Variants in ZFAND3 observed in about 807,000 individuals in gnomAD.
ZFAND3 encodes the protein zinc finger AN1-type containing 3, also known as AN1-type zinc finger protein 3.
In ZFAND3, 10 loss-of-function variants were observed where a neutral mutation model predicts 29.6. The observed-to-expected ratio is 0.34, with a 90% CI of 0.21 to 0.57. ZFAND3 has a LOEUF of 0.57. Among genes scored for constraint, ZFAND3 ranks in the 20% least tolerant of loss-of-function variants. The pLI, the probability that ZFAND3 is intolerant of heterozygous loss-of-function variation, is 0.86. For missense variants in ZFAND3, 230 were observed against 304.5 expected (o/e 0.76, Z 1.82); for synonymous variants, 128 against 112.6 (o/e 1.14, Z -0.87).
At chr6:38,002,647 A>G (rs1762970674) in intron 2 of ZFAND3, among the ~76,000 whole-genome samples, 1 of 152,164 alleles carries the variant, frequency 6.6e-6, no homozygotes, top group Non-Finnish European at 1.5e-5. Context: ...CCTGGGTGAA[A>G]GAGTGAGACC....
At chr6:38,120,049 G>C (rs1765499413) in intron 5 of ZFAND3, among the ~76,000 whole-genome samples, 1 of 152,164 alleles carries the variant, frequency 6.6e-6, no homozygotes, top group South Asian at 2.1e-4. Flanking sequence ...TTGCGAGGCT[G>C]GGATTATATC....
chr6:38,141,385 C>T lies in ZFAND3; in HGVS notation c.530-10850C>T, dbSNP rs542260695. Among the ~76,000 whole-genome samples, 8 of 152,312 alleles carry T rather than the reference C, an allele frequency of 5.3e-5. No homozygotes were observed. In the South Asian group the frequency reaches 1.4e-3, roughly 28 times the overall value. Reference sequence around the variant, plus strand: ...GCTCTGCCTCTGTTTGTGACAGAGGCTTGCAGAATACTCAGCTGTACCTGT... The same window carrying T: ...GCTCTGCCTCTGTTTGTGACAGAGGTTTGCAGAATACTCAGCTGTACCTGT... On this transcript the variant is annotated intron_variant, in intron 5 of 5. Coordinates refer to ENST00000287218, the MANE Select transcript of ZFAND3 (RefSeq NM_021943.3).
rs372984534 is a variant in ZFAND3, at chr6:37,893,824, G to T, written c.72-36135G>T. Among the ~76,000 whole-genome samples the T allele has an allele frequency of 4.1e-3, 626 of 151,802 alleles. 6 individuals carry two copies. The highest frequency in any genetic ancestry group is 0.014 in the African/African-American group (588 of 41,486). On this transcript the variant is annotated intron_variant, in intron 1 of 5. Coordinates refer to ENST00000287218, the MANE Select transcript of ZFAND3 (RefSeq NM_021943.3). ...CTGCCTTGGCTTCCCAAAGTGCTGG[G>T]ATTACAGGGGTGAGCCACCGCGCCC...
chr6:38,114,556 G>A (rs555513053), intron 4 of ZFAND3, among the ~76,000 whole-genome samples: 1 of 152,330 alleles, frequency 6.6e-6, no homozygotes, highest in East Asian at 1.9e-4. Context: ...AATTAAATGA[G>A]ATGAAAAATG....
intron 1 of ZFAND3, among the ~76,000 whole-genome samples, chr6:37,920,890 G>A (rs140284312): frequency 8.7e-4 from 133 of 152,238 alleles, no homozygotes; most frequent in African/African-American, 1.1e-3. Context: ...GTAGAGAGTG[G>A]TGATTTAGTA....
chr6:38,118,092 G>A (rs144016080), intron 5 of ZFAND3, among the ~76,000 whole-genome samples: 40 of 152,314 alleles, frequency 2.6e-4, no homozygotes, highest in African/African-American at 9.6e-4. Flanking sequence ...TTGGGAAACC[G>A]TAAAGAGGGT....
Position 38,080,596 on chromosome 6 carries a change from C to A in ZFAND3, c.296-1796C>A, listed in dbSNP as rs189760576. 1.2e-3 allele frequency among the ~76,000 whole-genome samples: 179 copies of A among 152,088 alleles called. 1 individual carries two copies. Among genetic ancestry groups the A allele is most frequent in the African/African-American group, 4.1e-3 (168 of 41,476 alleles). On this transcript the variant is annotated intron_variant, in intron 3 of 5. Coordinates refer to ENST00000287218, the MANE Select transcript of ZFAND3 (RefSeq NM_021943.3). ...TTTTTGTTTGTTTTGTTAAAGAAACCGAGGATCACTTATCCAAGATTACTC... is the reference window on the plus strand; with the variant it reads ...TTTTTGTTTGTTTTGTTAAAGAAACAGAGGATCACTTATCCAAGATTACTC...
Position 38,154,508 on chromosome 6 carries a change from TACAC to T in ZFAND3, c.*2123_*2126del, listed in dbSNP as rs1189565798. ...AACCCTTTTGTGTTCTAGATTTACTTACACACATAGCCTAGAGCTCAGTTTTAGT... is the reference window on the plus strand; with the variant it reads ...AACCCTTTTGTGTTCTAGATTTACTTACATAGCCTAGAGCTCAGTTTTAGT... On this transcript the variant is annotated 3_prime_UTR_variant, in exon 6 of 6. Transcript: ENST00000287218. The T allele has an allele frequency of 1.0e-6, 1 of 980,114 alleles. No individual in the cohort carries two copies. The highest frequency in any genetic ancestry group is 1.2e-6 in the Non-Finnish European group (1 of 824,818). 60.7% of individuals were successfully genotyped at this position (980,114 alleles called of 1,614,324 possible).
intron 1 of ZFAND3, among the ~76,000 whole-genome samples, chr6:37,866,167 G>C (rs1391668158): frequency 6.6e-6 from 1 of 152,142 alleles, no homozygotes; most frequent in African/African-American, 2.4e-5. Flanking sequence ...TAGGAGCTCT[G>C]TTTGTCCCAG....
chr6:37,867,760 C>T (rs1764614873), intron 1 of ZFAND3, among the ~76,000 whole-genome samples: 1 of 152,120 alleles, frequency 6.6e-6, no homozygotes, highest in Admixed American at 6.5e-5. Flanking sequence ...TGATAAAGTT[C>T]CCAAAGTATG....
intron 2 of ZFAND3, among the ~76,000 whole-genome samples, chr6:37,934,873 T>TA (rs201034362): frequency 0.058 from 8,498 of 146,282 alleles, 364 homozygotes; most frequent in Non-Finnish European, 0.088. Flanking sequence ...AAGCAAAAGT[T>TA]AATCTTACCA....
At chr6:37,961,433 G>A (rs1012756867) in intron 2 of ZFAND3, among the ~76,000 whole-genome samples, 5 of 152,234 alleles carry the variant, frequency 3.3e-5, no homozygotes, top group Admixed American at 3.3e-4. Context: ...GGAGCTTGCT[G>A]CCCTGAAGGG....
intron 1 of ZFAND3, among the ~76,000 whole-genome samples, chr6:37,876,988 T>C (rs1164539795): frequency 6.6e-6 from 1 of 152,236 alleles, no homozygotes; most frequent in Non-Finnish European, 1.5e-5. Flanking sequence ...GCAACAATCA[T>C]TTCCTTGAGT....
At chr6:37,912,788 T>G (rs1765546460) in intron 1 of ZFAND3, among the ~76,000 whole-genome samples, 1 of 152,198 alleles carries the variant, frequency 6.6e-6, no homozygotes, top group Admixed American at 6.5e-5. Context: ...TGTAGATGAA[T>G]GTTGTAGTAG....
chr6:37,970,644 C>T (rs1031384247), intron 2 of ZFAND3, among the ~76,000 whole-genome samples: 47 of 152,272 alleles, frequency 3.1e-4, no homozygotes, highest in South Asian at 8.3e-4. Context: ...GGCTCAACGC[C>T]TGTAATCCCA....
chr6:37,987,201 T>A (rs1310722364), intron 2 of ZFAND3, among the ~76,000 whole-genome samples: 1 of 152,150 alleles, frequency 6.6e-6, no homozygotes, highest in Non-Finnish European at 1.5e-5. Flanking sequence ...CCAGTGGAAC[T>A]CTCAGCATGA....
intron 1 of ZFAND3, among the ~76,000 whole-genome samples, chr6:37,922,952 A>C (rs1218042404): frequency 6.6e-6 from 1 of 152,196 alleles, no homozygotes; most frequent in Admixed American, 6.5e-5. Flanking sequence ...TTATTTTTAA[A>C]ATTTTCTTTA....
At chr6:37,975,856 A>C (rs1300082074) in intron 2 of ZFAND3, among the ~76,000 whole-genome samples, 1 of 152,032 alleles carries the variant, frequency 6.6e-6, no homozygotes, top group African/African-American at 2.4e-5. Flanking sequence ...TGTTTTGGCT[A>C]TTCTAGGCCC....
chr6:38,068,661 T>G (rs1764392210), intron 3 of ZFAND3, among the ~76,000 whole-genome samples: 1 of 152,182 alleles, frequency 6.6e-6, no homozygotes, highest in Non-Finnish European at 1.5e-5. Flanking sequence ...GGGACTCTGG[T>G]TTTTTTCCTG....
Sources: gnomAD v4.1 joint callset for allele counts (sites outside exome capture counted in the v4.1 genomes callset) on GRCh38, gnomAD v4.1.1 for gene constraint, MANE v1.5 for transcripts, NCBI Gene and HGNC (gene_info 2026-07-23, HGNC 2026-07-21) for gene names.